The following CSMD1 variants were observed in gnomAD, a reference collection of about 807,000 sequenced individuals.
CSMD1 encodes CUB and sushi domain-containing protein 1.
CSMD1 carries 213 observed loss-of-function variants against 417.5 expected under a neutral mutation model. That is an observed-to-expected ratio of 0.51 (90% CI 0.46 to 0.57). CSMD1 has a LOEUF of 0.57. Among genes scored for constraint, CSMD1 ranks in the 20% least tolerant of loss-of-function variants. The probability of loss-of-function intolerance (pLI) is 0.00; values close to 1 mark genes in which losing one functional copy is unlikely to be tolerated. For missense variants in CSMD1, 6,923 were observed against 4,529.7 expected (o/e 1.53, Z -15.17); for synonymous variants, 2,862 against 1,736.8 (o/e 1.65, Z -16.11).
intron 48 of CSMD1, among the ~76,000 whole-genome samples, chr8:3,090,047 C>T (rs1255515239): frequency 6.6e-6 from 1 of 151,790 alleles, no homozygotes; most frequent in African/African-American, 2.4e-5. Context: ...GGCGCGGTGG[C>T]TTAACGCCTG....
chr8:3,748,554 T>A (rs893495224), intron 6 of CSMD1, among the ~76,000 whole-genome samples: 1 of 152,210 alleles, frequency 6.6e-6, no homozygotes, highest in South Asian at 2.1e-4. Context: ...ATGGTTGTTA[T>A]TATTTTTACA....
At chr8:3,093,200 G>C (rs970178048) in intron 47 of CSMD1, among the ~76,000 whole-genome samples, 1 of 152,160 alleles carries the variant, frequency 6.6e-6, no homozygotes, top group Admixed American at 6.5e-5. Flanking sequence ...GAGGTAGTAT[G>C]GGTGGGTCCT....
chr8:3,931,751 A>T (rs1043275292), intron 5 of CSMD1, among the ~76,000 whole-genome samples: 9 of 148,906 alleles, frequency 6.0e-5, no homozygotes, highest in African/African-American at 2.2e-4. Flanking sequence ...ACACCAGAGG[A>T]AACAAGGTGA....
chr8:3,594,084 C>G (rs1800980194), intron 8 of CSMD1, among the ~76,000 whole-genome samples: 1 of 152,190 alleles, frequency 6.6e-6, no homozygotes, highest in Admixed American at 6.5e-5. Context: ...CCTCCAATAT[C>G]TAATATTCTT....
intron 5 of CSMD1, among the ~76,000 whole-genome samples, chr8:3,852,805 C>G (rs775422159): frequency 1.3e-5 from 2 of 152,250 alleles, no homozygotes; most frequent in Non-Finnish European, 2.9e-5. Context: ...TCCAAGCGCA[C>G]GCTTCAACAA....
At chr8:3,195,691 G>C (rs888232671) in intron 33 of CSMD1, among the ~76,000 whole-genome samples, 2 of 152,154 alleles carry the variant, frequency 1.3e-5, no homozygotes, top group Admixed American at 1.3e-4. Flanking sequence ...GAAGCTACAG[G>C]AGTCTCCTCC....
intron 5 of CSMD1, among the ~76,000 whole-genome samples, chr8:3,771,680 G>T (rs764113855): frequency 2.0e-5 from 3 of 152,120 alleles, no homozygotes; most frequent in African/African-American, 7.2e-5. Context: ...GGAAGAGAAC[G>T]GAGAGGCCCC....
chr8:3,603,112 A>C (rs772340463), intron 8 of CSMD1, among the ~76,000 whole-genome samples: 3 of 152,220 alleles, frequency 2.0e-5, no homozygotes, highest in Non-Finnish European at 2.9e-5. Flanking sequence ...TCAAAGGGAC[A>C]TAAAGGCTTC....
At chr8:4,234,907 C>G (rs374680204) in intron 3 of CSMD1, among the ~76,000 whole-genome samples, 1 of 152,080 alleles carries the variant, frequency 6.6e-6, no homozygotes, top group Non-Finnish European at 1.5e-5. Context: ...AGAAATAGAC[C>G]TCTGTGTTGT....
intron 3 of CSMD1, among the ~76,000 whole-genome samples, chr8:4,196,121 G>C (rs967861758): frequency 2.0e-5 from 3 of 152,144 alleles, no homozygotes; most frequent in Non-Finnish European, 2.9e-5. Flanking sequence ...TGAGGCAGGA[G>C]AATGGCTTGA....
chr8:4,220,260 C>T (rs1043757364), intron 3 of CSMD1, among the ~76,000 whole-genome samples: 1 of 152,150 alleles, frequency 6.6e-6, no homozygotes, highest in South Asian at 2.1e-4. Context: ...CTCAAGATAA[C>T]TTAGAGATAC....
At chr8:3,547,304 A>C (rs563337852) in intron 10 of CSMD1, among the ~76,000 whole-genome samples, 1 of 152,366 alleles carries the variant, frequency 6.6e-6, no homozygotes, top group African/African-American at 2.4e-5. Context: ...AATGAAATGA[A>C]TGTGTGCTTA....
chr8:3,062,181 T>G (rs1812631162), intron 49 of CSMD1, among the ~76,000 whole-genome samples: 1 of 152,178 alleles, frequency 6.6e-6, no homozygotes, highest in Admixed American at 6.5e-5. Flanking sequence ...TCCCTTATCT[T>G]TGATTTCCAA....
At chr8:3,968,120 G>A (rs1812814412) in intron 5 of CSMD1, among the ~76,000 whole-genome samples, 1 of 151,564 alleles carries the variant, frequency 6.6e-6, no homozygotes, top group African/African-American at 2.4e-5. Context: ...CCGGGAGGCA[G>A]AGCTTGCAGT....
In CSMD1 at chr8:4,388,800, A is replaced by G. The variant is rs1018769913; in HGVS notation, c.415+31153T>C. On this transcript the variant is annotated intron_variant, in intron 3 of 69. Coordinates refer to ENST00000635120, the MANE Select transcript of CSMD1 (RefSeq NM_033225.6). ...GTATTCAGTCCTTGATCCTCCCAGT[A>G]CCTCTGGACCCAGCACTGAATAATC... 2.0e-5 allele frequency among the ~76,000 whole-genome samples: 3 copies of G among 152,202 alleles called. No individual in the cohort carries two copies. In the East Asian group the frequency reaches 5.8e-4, roughly 29 times the overall value.
At chr8:4,597,067 A>G (rs1358310028) in intron 2 of CSMD1, among the ~76,000 whole-genome samples, 1 of 151,976 alleles carries the variant, frequency 6.6e-6, no homozygotes, top group Admixed American at 6.6e-5. Context: ...TGCCTTGGGT[A>G]TGTCTTTTTC....
intron 3 of CSMD1, among the ~76,000 whole-genome samples, chr8:4,138,433 T>G (rs1229444447): frequency 6.6e-6 from 1 of 152,014 alleles, no homozygotes; most frequent in African/African-American, 2.4e-5. Context: ...CAAAAACACC[T>G]TCTATCAAAA....
chr8:3,543,581 G>C (rs1445059412), intron 10 of CSMD1, among the ~76,000 whole-genome samples: 1 of 151,806 alleles, frequency 6.6e-6, no homozygotes, highest in Non-Finnish European at 1.5e-5. Flanking sequence ...TGAATGTGGG[G>C]TATGAGAACA....
intron 2 of CSMD1, among the ~76,000 whole-genome samples, chr8:4,463,310 G>C (rs1015861970): frequency 6.6e-6 from 1 of 152,120 alleles, no homozygotes; most frequent in African/African-American, 2.4e-5. Flanking sequence ...AGGTGTATGG[G>C]TGTTTCACTT....
Sources: gnomAD v4.1 joint callset for allele counts (sites outside exome capture counted in the v4.1 genomes callset) on GRCh38, gnomAD v4.1.1 for gene constraint, MANE v1.5 for transcripts, NCBI Gene and HGNC (gene_info 2026-07-23, HGNC 2026-07-21) for gene names.